The following VDAC3 variants were observed in gnomAD, a reference collection of about 807,000 sequenced individuals.
VDAC3 encodes voltage dependent anion channel 3, also known as non-selective voltage-gated ion channel VDAC3.
VDAC3 carries 7 observed loss-of-function variants against 33.9 expected under a neutral mutation model. That is an observed-to-expected ratio of 0.21 (90% confidence interval 0.12 to 0.39). The LOEUF (loss-of-function observed/expected upper bound fraction) is 0.39. Ranked by LOEUF, VDAC3 falls within the 10% of genes least tolerant of loss-of-function variation. The pLI, the probability that VDAC3 is intolerant of heterozygous loss-of-function variation, is 1.00. For synonymous variants in VDAC3, 100 were observed against 122.4 expected, an observed-to-expected ratio of 0.82 and a Z score of 1.21; for missense variants, 261 against 334.5, an observed-to-expected ratio of 0.78 and a Z score of 1.71.
At chr8:42,405,334 C>A in intron 9 of VDAC3, 37 bp from the exon 10 acceptor site, 1 of 1,532,998 alleles carries the variant, frequency 6.5e-7, no homozygotes, top group Non-Finnish European at 9.0e-7. Context: ...AATTGTAATA[C>A]TTGTTTCAAG....
At chr8:42,403,908 C>T (rs186908498) in intron 8 of VDAC3, among the ~76,000 whole-genome samples, 20 of 151,124 alleles carry the variant, frequency 1.3e-4, no homozygotes, top group Admixed American at 6.0e-4. Context: ...TTATGCTTGA[C>T]GTCAGGAAAT....
intron 9 of VDAC3, 49 bp downstream of exon 9, chr8:42,404,973 G>T (rs1802474668): frequency 6.5e-7 from 1 of 1,528,478 alleles, no homozygotes; most frequent in South Asian, 1.1e-5. Context: ...AGGTGATAGA[G>T]AAAACAATGA....
chr8:42,398,263 C>G (rs974896587), intron 4 of VDAC3, among the ~76,000 whole-genome samples: 1 of 152,140 alleles, frequency 6.6e-6, no homozygotes, highest in Non-Finnish European at 1.5e-5. Flanking sequence ...ATGGAAAGAT[C>G]TGAAACTGGT....
chr8:42,405,034 T>TTG (rs2130892712), intron 9 of VDAC3, 110 bp downstream of exon 9: 1 of 982,608 alleles, frequency 1.0e-6, no homozygotes, highest in Admixed American at 2.3e-5. Context: ...TTGGACCATT[T>TTG]TGTAACATTT....
chr8:42,394,205 A>T lies in VDAC3; in HGVS notation c.-2-5A>T. 6.2e-7 allele frequency: 1 copy of T among 1,613,200 alleles called. No homozygotes were observed. The highest frequency in any genetic ancestry group is 2.2e-5 in the East Asian group (1 of 44,814). ...TTATTCCTTTGCCCTGTTTTTCTTT[A>T]TAAGATATGTGTAACACACCAACGT... On this transcript the variant is annotated splice_region_variant and splice_polypyrimidine_tract_variant and intron_variant, in intron 2 of 9. Coordinates refer to ENST00000022615, the MANE Select transcript of VDAC3 (RefSeq NM_005662.7).
At chr8:42,394,398 T>A in intron 3 of VDAC3, 120 bp downstream of exon 3, 1 of 868,064 alleles carries the variant, frequency 1.2e-6, no homozygotes, top group Non-Finnish European at 1.8e-6. Flanking sequence ...TCACAAGATT[T>A]AAGGGGATAA....
Position 42,392,085 on chromosome 8 carries a change from CCCGCCCGGG to C in VDAC3, c.-43+160_-43+168del, listed in dbSNP as rs1238666856. ...CCGGGGCCGCTCGCTCCCGCCGGGA[CCCGCCCGGG>C]CCACCTCAGGCGATGGAGCCGCAGC... On this transcript the variant is annotated intron_variant, in intron 1 of 9. Transcript: ENST00000022615. 2.0e-5 allele frequency among the ~76,000 whole-genome samples: 3 copies of C among 152,238 alleles called. No individual in the cohort carries two copies. In the East Asian group the frequency reaches 5.8e-4, roughly 29 times the overall value.
chr8:42,403,877 CAAAA>C (rs56769990), intron 8 of VDAC3, among the ~76,000 whole-genome samples: 1 of 88,792 alleles, frequency 1.1e-5, no homozygotes. Context: ...GAGCCTATCT[CAAAA>C]AAAAAAAAAA....
intron 4 of VDAC3, 123 bp from the exon 5 acceptor site, chr8:42,398,589 A>G (rs1277311195): frequency 1.9e-6 from 2 of 1,030,808 alleles, no homozygotes; most frequent in Non-Finnish European, 2.7e-6. Context: ...AAGTTGCTCT[A>G]GAGTAGGGCT....
At chr8:42,399,098 A>C (rs1162428512) in intron 5 of VDAC3, among the ~76,000 whole-genome samples, 1 of 152,112 alleles carries the variant, frequency 6.6e-6, no homozygotes, top group Non-Finnish European at 1.5e-5. Context: ...TACACAGCTA[A>C]GCTTCTCCTG....
At chr8:42,393,409 C>A (rs777741407) in intron 1 of VDAC3, among the ~76,000 whole-genome samples, 1 of 152,128 alleles carries the variant, frequency 6.6e-6, no homozygotes, top group African/African-American at 2.4e-5. Context: ...GAGAGGAATA[C>A]AGAAGAACCT....
At chr8:42,398,093 G>C (rs1802349348) in intron 4 of VDAC3, among the ~76,000 whole-genome samples, 1 of 152,084 alleles carries the variant, frequency 6.6e-6, no homozygotes, top group Non-Finnish European at 1.5e-5. Context: ...TCTTTTTTTA[G>C]GTCATGAAAG....
chr8:42,405,307 C>A, intron 9 of VDAC3, 64 bp from the exon 10 acceptor site: 1 of 1,380,306 alleles, frequency 7.2e-7, no homozygotes, highest in Non-Finnish European at 1.0e-6. Context: ...TCTGTTGTTT[C>A]TAGAAAGTTC....
chr8:42,400,076 G>A (rs1322656917), intron 6 of VDAC3, among the ~76,000 whole-genome samples: 2 of 152,120 alleles, frequency 1.3e-5, no homozygotes, highest in Admixed American at 6.5e-5. Flanking sequence ...GGTGGCTCAC[G>A]CCTGTAATCC....
chr8:42,399,817 C>A, intron 6 of VDAC3, 114 bp downstream of exon 6: 1 of 952,684 alleles, frequency 1.0e-6, no homozygotes, highest in Non-Finnish European at 1.6e-6. Context: ...CAGAAGGTTG[C>A]TATAAGGAAT....
chr8:42,396,840 T>G lies in VDAC3; in HGVS notation c.117+1707T>G, dbSNP rs1361739350. 10 of 588,802 alleles carry G rather than the reference T, an allele frequency of 1.7e-5. No homozygotes were observed. The East Asian group carries it at 2.8e-4, about 17-fold the overall frequency. 36.5% of individuals were successfully genotyped at this position (588,802 alleles called of 1,614,324 possible). On this transcript the variant is annotated intron_variant, in intron 4 of 9. Coordinates refer to ENST00000022615, the MANE Select transcript of VDAC3 (RefSeq NM_005662.7). ...CTTAACAGTAACATTTTTGTTTGTT[T>G]TGTTGCTTACTAAGCATTTAATGTA...
At chr8:42,395,036 A>G in intron 3 of VDAC3, 48 bp from the exon 4 acceptor site, 3 of 1,611,722 alleles carry the variant, frequency 1.9e-6, no homozygotes, top group South Asian at 1.1e-5. Context: ...AAACTAGTGA[A>G]TGTCACATTT....
rs560806374 is a variant in VDAC3, at chr8:42,391,920, G to A, written c.-51G>A. ...CCTGGCGGAGCAGAGACAGGCCCTC[G>A]GGGTGGAGGTGAGGAGAGCTGAGGC... On this transcript the variant is annotated 5_prime_UTR_variant, in exon 1 of 10. Transcript: ENST00000022615. The A allele has an allele frequency of 1.3e-5, 2 of 152,420 alleles. No homozygotes were observed. The highest frequency in any genetic ancestry group is 4.1e-4 in the South Asian group (2 of 4,842). 9.4% of individuals were successfully genotyped at this position (152,420 alleles called of 1,614,324 possible).
chr8:42,400,366 C>T (rs1192818119), intron 6 of VDAC3, among the ~76,000 whole-genome samples: 1 of 151,030 alleles, frequency 6.6e-6, no homozygotes, highest in Non-Finnish European at 1.5e-5. Flanking sequence ...TTTTTTCCCC[C>T]TCACCCTCTC....
Sources: allele counts gnomAD v4.1 joint callset (sites outside exome capture counted in the v4.1 genomes callset), GRCh38; gene constraint gnomAD v4.1.1; transcripts MANE v1.5; gene names NCBI Gene and HGNC (gene_info 2026-07-23, HGNC 2026-07-21).